The following ACTN2 variants were observed in gnomAD, a reference collection of about 807,000 sequenced individuals.
ACTN2 encodes actinin alpha 2.
In ACTN2, 39 loss-of-function variants were observed where a neutral mutation model predicts 113.8. The ratio of observed to expected loss-of-function variants is 0.34; its 90% CI spans 0.27 to 0.45. The LOEUF is 0.45. ACTN2 is among the 20% of genes least tolerant of loss of function. ACTN2 has a pLI of 1.00. For missense variants in ACTN2, 992 were observed against 1,177.9 expected, an observed-to-expected ratio of 0.84 and a Z score of 2.31; for synonymous variants, 429 against 444.1, an observed-to-expected ratio of 0.97 and a Z score of 0.43.
At chr1:236,712,143 G>A (rs906661384) in intron 1 of ACTN2, among the ~76,000 whole-genome samples, 19 of 152,142 alleles carry the variant, frequency 1.2e-4, no homozygotes, top group African/African-American at 3.6e-4. Flanking sequence ...AGAAGGCTTC[G>A]GCTCAAATGT....
chr1:236,753,826 C>G, intron 15 of ACTN2, 121 bp from the exon 16 acceptor site: 1 of 1,153,544 alleles, frequency 8.7e-7, no homozygotes, highest in Non-Finnish European at 1.3e-6. Flanking sequence ...CCTACACCCT[C>G]CTCCCTTCGT....
chr1:236,744,874 G>A lies in ACTN2; in HGVS notation c.1406+98G>A, dbSNP rs932996506. On this transcript the variant is annotated intron_variant, in intron 12 of 20. Coordinates refer to ENST00000366578, the MANE Select transcript of ACTN2 (RefSeq NM_001103.4). Reference sequence around the variant, plus strand: ...TGCCTTTCCTGACTAAACGCAGAGGGAACCACGCTGGAGGCACTCTGTGCA... The same window carrying A: ...TGCCTTTCCTGACTAAACGCAGAGGAAACCACGCTGGAGGCACTCTGTGCA... 35 of 1,516,714 alleles carry A rather than the reference G, an allele frequency of 2.3e-5. No homozygotes were observed. The African/African-American group carries it at 4.7e-4, about 20-fold the overall frequency. The allele number at this position is 1,516,714 out of a possible 1,614,324, so 94.0% of individuals were successfully genotyped here. A position where few individuals can be genotyped will look rare whatever the true frequency, so the allele number is the denominator to read the frequency against.
intron 1 of ACTN2, among the ~76,000 whole-genome samples, chr1:236,712,600 A>G (rs1041687356): frequency 2.0e-5 from 3 of 152,182 alleles, no homozygotes; most frequent in Non-Finnish European, 1.5e-5. Flanking sequence ...TCAAAGCTGC[A>G]GTGAGCCATG....
Position 236,726,072 on chromosome 1 carries a change from G to A in ACTN2, c.536+52G>A, listed in dbSNP as rs146943053. 1.7e-4 allele frequency: 249 copies of A among 1,506,252 alleles called. No homozygotes were observed. The African/African-American group carries it at 3.1e-3, about 19-fold the overall frequency. 93.3% of individuals were successfully genotyped at this position (1,506,252 alleles called of 1,614,324 possible). A position where few individuals can be genotyped will look rare whatever the true frequency, so the allele number is the denominator to read the frequency against. On this transcript the variant is annotated intron_variant, in intron 5 of 20. Coordinates refer to ENST00000366578, the MANE Select transcript of ACTN2 (RefSeq NM_001103.4). The stretch of plus-strand genomic sequence containing the variant: ...GTATTCTCAGTGGAATCTGTGGGTA[G>A]CATGGGGAACAGTGTTTGTGTGCAC...
chr1:236,697,645 A>T (rs1013729417), intron 1 of ACTN2, among the ~76,000 whole-genome samples: 1 of 151,966 alleles, frequency 6.6e-6, no homozygotes, highest in South Asian at 2.1e-4. Flanking sequence ...TTGGTATTCT[A>T]TTGGAACTTT....
intron 15 of ACTN2, among the ~76,000 whole-genome samples, chr1:236,752,143 C>T (rs758979475): frequency 1.3e-4 from 20 of 152,164 alleles, no homozygotes; most frequent in Non-Finnish European, 2.1e-4. Flanking sequence ...GGGCAACTAT[C>T]GACAAATGTA....
intron 1 of ACTN2, among the ~76,000 whole-genome samples, chr1:236,709,255 TACACACACACAC>T (rs372642966): frequency 1.5e-5 from 1 of 68,898 alleles, no homozygotes; most frequent in African/African-American, 5.3e-5. Context: ...TATATATATA[TACACACACACAC>T]ACACATATAT....
chr1:236,691,886 C>T (rs1666097200), intron 1 of ACTN2, among the ~76,000 whole-genome samples: 1 of 152,138 alleles, frequency 6.6e-6, no homozygotes. Flanking sequence ...GGAGATAATA[C>T]CCGATGCTAA....
chr1:236,759,934 C>T, intron 19 of ACTN2, 145 bp downstream of exon 19: 2 of 756,186 alleles, frequency 2.6e-6, no homozygotes, highest in Non-Finnish European at 4.5e-6. Flanking sequence ...TTGAAGGTCT[C>T]ACTGTTATTA....
intron 7 of ACTN2, chr1:236,734,463 G>A (rs1437913226): frequency 6.5e-7 from 1 of 1,535,934 alleles, no homozygotes. Context: ...CCCGATGAAA[G>A]AGCCATAATG....
intron 15 of ACTN2, 77 bp from the exon 16 acceptor site, chr1:236,753,870 A>ACAAAAAAC: frequency 9.2e-7 from 1 of 1,088,466 alleles, no homozygotes; most frequent in Non-Finnish European, 1.3e-6. Flanking sequence ...CACCCCTTGG[A>ACAAAAAAC]CTATTCCCGC....
chr1:236,744,917 T>C, intron 12 of ACTN2, 141 bp downstream of exon 12: 1 of 1,138,454 alleles, frequency 8.8e-7, no homozygotes, highest in Non-Finnish European at 1.2e-6. Flanking sequence ...TCCTTGTTTC[T>C]TTAAATGTAG....
intron 3 of ACTN2, 143 bp downstream of exon 3, chr1:236,719,156 G>C: frequency 8.7e-7 from 1 of 1,151,612 alleles, no homozygotes; most frequent in East Asian, 2.6e-5. Flanking sequence ...AGGGCGCTCG[G>C]TGCACAAAGA....
intron 1 of ACTN2, among the ~76,000 whole-genome samples, chr1:236,709,299 TATATATAC>T (rs1657942893): frequency 7.0e-6 from 1 of 142,340 alleles, no homozygotes; most frequent in Admixed American, 7.3e-5. Flanking sequence ...TGTATATATG[TATATATAC>T]GTATATATGT....
rs1253808628 is a variant in ACTN2, at chr1:236,735,619, T to A, written c.698-16T>A. 6.2e-7 allele frequency: 1 copy of A among 1,611,718 alleles called. No individual in the cohort carries two copies. Among genetic ancestry groups the A allele is most frequent in the Admixed American group, 1.7e-5 (1 of 60,012 alleles). On this transcript the variant is annotated splice_polypyrimidine_tract_variant and intron_variant, in intron 7 of 20. Transcript: ENST00000366578. ...GTGTGTGTGCGCGCGTCCTGTGTTA[T>A]TTTCTCCCCCTTCAGACATCGTGAA...
intron 1 of ACTN2, among the ~76,000 whole-genome samples, chr1:236,716,581 G>C (rs570235345): frequency 6.6e-6 from 1 of 152,216 alleles, no homozygotes; most frequent in East Asian, 1.9e-4. Context: ...TCCAAAGGCA[G>C]GGTTGAATAT....
rs551139471 is a variant in ACTN2 at position 236,690,659 on chromosome 1, A to T, written c.126+3860A>T. 2.9e-4 allele frequency among the ~76,000 whole-genome samples: 44 copies of T among 152,348 alleles called. 1 individual carries two copies. The South Asian group carries it at 4.1e-3, about 14-fold the overall frequency. On this transcript the variant is annotated intron_variant, in intron 1 of 20. Coordinates refer to ENST00000366578, the MANE Select transcript of ACTN2 (RefSeq NM_001103.4). ...AAATATTATTATCCTTGTGCGCCGA[A>T]TATTTGTTAATCAGCACTGCGCTTA...
At chr1:236,761,307 A>G in intron 20 of ACTN2, 134 bp downstream of exon 20, 3 of 1,068,196 alleles carry the variant, frequency 2.8e-6, no homozygotes, top group East Asian at 2.6e-5. Context: ...TGATTTCAGA[A>G]GGCAGCAGAT....
chr1:236,744,179 C>CAG (rs1210354534), intron 11 of ACTN2, among the ~76,000 whole-genome samples: 10 of 152,114 alleles, frequency 6.6e-5, no homozygotes, highest in Non-Finnish European at 1.5e-4. Flanking sequence ...TTTAAGCACA[C>CAG]AGAGTATAGC....
Sources: gnomAD v4.1 joint callset for allele counts (sites outside exome capture counted in the v4.1 genomes callset) on GRCh38, gnomAD v4.1.1 for gene constraint, MANE v1.5 for transcripts, NCBI Gene and HGNC (gene_info 2026-07-23, HGNC 2026-07-21) for gene names.